NUP155: variants seen among roughly 807,000 people sequenced by gnomAD.
NUP155 encodes nucleoporin 155, also known as nuclear pore complex protein Nup155.
A neutral mutation model predicts 180.4 loss-of-function variants in NUP155; 71 were observed. That is an observed-to-expected ratio of 0.39 (90% CI 0.33 to 0.48). The LOEUF (loss-of-function observed/expected upper bound fraction) is 0.48. Among genes scored for constraint, NUP155 ranks in the 20% least tolerant of loss-of-function variants. The pLI is 0.91. For missense variants in NUP155, 1,553 were observed against 1,648.9 expected, an observed-to-expected ratio of 0.94 and a Z score of 1.01; for synonymous variants, 582 against 559.5, an observed-to-expected ratio of 1.04 and a Z score of -0.57.
rs963649233 is a variant in NUP155, at chr5:37,359,948, T to C, written c.393-1797A>G. On this transcript the variant is annotated intron_variant, in intron 3 of 34. Coordinates refer to ENST00000231498, the MANE Select transcript of NUP155 (RefSeq NM_153485.3). ...GCCTGGCCAACACAATGATACCTGT[T>C]TCTACTAAAAATAGAAAAAATTAGC... Among the ~76,000 whole-genome samples the C allele has an allele frequency of 2.6e-5, 4 of 152,052 alleles. No homozygotes were observed. The South Asian group carries it at 6.2e-4, about 24-fold the overall frequency.
intron 12 of NUP155, among the ~76,000 whole-genome samples, chr5:37,336,330 A>AC (rs953602818): frequency 6.6e-6 from 1 of 152,044 alleles, no homozygotes; most frequent in African/African-American, 2.4e-5. Context: ...AAAATTTAAA[A>AC]ATCGGCTGTA....
rs368991435 is a variant in NUP155 at position 37,341,179 on chromosome 5, G to T, written c.1157C>A (p.Thr386Lys). The change falls in exon 11 of 35, where the codon ACG (threonine) becomes AAG (lysine). Residue 386 changes from threonine to lysine, a missense_variant. Coordinates refer to ENST00000231498, the MANE Select transcript of NUP155 (RefSeq NM_153485.3). ...RQPLARPNTLTLVHVRLPPGF... is the reference protein window; with the variant it reads ...RQPLARPNTLKLVHVRLPPGF... Reference sequence around the variant, plus strand: ...AGGAGGTAAGCGGACATGAACCAGCGTCAGTGTATTAGGCCGTGCTAATGG... The same window carrying T: ...AGGAGGTAAGCGGACATGAACCAGCTTCAGTGTATTAGGCCGTGCTAATGG... The T allele has an allele frequency of 6.2e-7, 1 of 1,613,756 alleles. No individual in the cohort carries two copies. The highest frequency in any genetic ancestry group is 8.5e-7 in the Non-Finnish European group (1 of 1,179,740).
At chr5:37,350,908 A>C (rs1746415231) in intron 6 of NUP155, among the ~76,000 whole-genome samples, 1 of 151,772 alleles carries the variant, frequency 6.6e-6, no homozygotes, top group African/African-American at 2.4e-5. Context: ...TTGTATTTGT[A>C]TATGTGTATA....
intron 3 of NUP155, 79 bp from the exon 4 acceptor site, chr5:37,358,230 G>T: frequency 2.0e-6 from 2 of 1,022,446 alleles, no homozygotes. Flanking sequence ...TTTAATCCCA[G>T]TACTTTGGGA....
intron 18 of NUP155, among the ~76,000 whole-genome samples, chr5:37,326,240 A>G (rs150726004): frequency 6.0e-4 from 92 of 152,310 alleles, no homozygotes; most frequent in African/African-American, 2.1e-3. Flanking sequence ...GGGGCTCTGT[A>G]CTGTTTCATA....
Position 37,364,007 on chromosome 5 carries a change from C to T in NUP155, c.296-23G>A, listed in dbSNP as rs200539629. 6 of 1,519,514 alleles carry T rather than the reference C, an allele frequency of 3.9e-6. No individual in the cohort carries two copies. In the African/African-American group the frequency reaches 6.9e-5, roughly 17 times the overall value. The allele number at this position is 1,519,514 out of a possible 1,614,324, so 94.1% of individuals were successfully genotyped here. On this transcript the variant is annotated intron_variant, in intron 2 of 34. Coordinates refer to ENST00000231498, the MANE Select transcript of NUP155 (RefSeq NM_153485.3). ...TATCTGAGGTAGTGTGGATGTAAGG[C>T]AGACAGAGGTGAATCTTATTCTTCT...
intron 9 of NUP155, among the ~76,000 whole-genome samples, chr5:37,348,112 C>A (rs1746220264): frequency 2.0e-5 from 3 of 152,048 alleles, no homozygotes; most frequent in Admixed American, 1.3e-4. Context: ...CCCGCCTGGG[C>A]AACAAGAGCG....
At chr5:37,295,864 C>T (rs1191334199) in intron 32 of NUP155, among the ~76,000 whole-genome samples, 11 of 149,984 alleles carry the variant, frequency 7.3e-5, no homozygotes, top group Admixed American at 3.3e-4. Flanking sequence ...CCACCCCGTC[C>T]GGGAGGGAGG....
Position 37,371,079 on chromosome 5 carries a change from C to T in NUP155, c.-102G>A. On this transcript the variant is annotated 5_prime_UTR_variant, in exon 1 of 35. Coordinates refer to ENST00000231498, the MANE Select transcript of NUP155 (RefSeq NM_153485.3). The stretch of plus-strand genomic sequence containing the variant: ...TTAGATCCGCCGCCTAGGGCGCGCG[C>T]GCCAAACGAGCGCCTTGGCGCCTCG... 7.8e-7 allele frequency: 1 copy of T among 1,286,828 alleles called. No homozygotes were observed. The highest frequency in any genetic ancestry group is 1.1e-6 in the Non-Finnish European group (1 of 915,350). 79.7% of individuals were successfully genotyped at this position (1,286,828 alleles called of 1,614,324 possible).
chr5:37,302,433 G>C lies in NUP155; in HGVS notation c.3447+346C>G, dbSNP rs1367292184. 2.6e-5 allele frequency among the ~76,000 whole-genome samples: 4 copies of C among 152,018 alleles called. No homozygotes were observed. The East Asian group carries it at 7.7e-4, about 29-fold the overall frequency. ...TTTTTTTAAGTAGAGACAAGGTTTC[G>C]CCATATTGGCCAGGCTGGTCTCGAA... is the stretch of plus-strand genomic sequence containing the variant. On this transcript the variant is annotated intron_variant, in intron 29 of 34. Coordinates refer to ENST00000231498, the MANE Select transcript of NUP155 (RefSeq NM_153485.3).
chr5:37,316,533 C>T (rs917085487), intron 21 of NUP155, among the ~76,000 whole-genome samples: 2 of 152,094 alleles, frequency 1.3e-5, no homozygotes, highest in African/African-American at 4.8e-5. Context: ...GGCACAAATT[C>T]GGCTCACTGC....
intron 2 of NUP155, 51 bp downstream of exon 2, chr5:37,364,196 G>C: frequency 2.1e-6 from 3 of 1,412,672 alleles, no homozygotes; most frequent in Non-Finnish European, 3.0e-6. Flanking sequence ...TTATAAGAAT[G>C]AAAAATACCA....
At chr5:37,351,131 C>T in intron 6 of NUP155, 59 bp downstream of exon 6, 2 of 1,304,274 alleles carry the variant, frequency 1.5e-6, no homozygotes. Flanking sequence ...AAAATAAAGG[C>T]TTATCTTTCC....
At position 37,310,619 on chromosome 5, in the gene NUP155, C is replaced by G; in HGVS notation, c.2561G>C (p.Gly854Ala). 6.2e-7 allele frequency: 1 copy of G among 1,613,536 alleles called. No individual in the cohort carries two copies. The highest frequency in any genetic ancestry group is 1.1e-5 in the South Asian group (1 of 91,050). ...GATATCCTGTAAATGTAAACTAATG[C>G]CATCAACAGCGGCATTATCTCTGAT... The part of the protein sequence containing the change: ...CYIRDNAAVD[G>A]ISLHLQDICP... Residue 854 changes from glycine to alanine, a missense_variant, in exon 23 of 35, where the codon GGC becomes GCC. Coordinates refer to ENST00000231498, the MANE Select transcript of NUP155 (RefSeq NM_153485.3).
chr5:37,309,128 C>G lies in NUP155; in HGVS notation c.2767+1G>C. The stretch of plus-strand genomic sequence containing the variant: ...GATACAAGAAACATTTTATTTCTCA[C>G]CTTGTCTATACTGAGCACAAACATT... On this transcript the variant is annotated splice_donor_variant, in intron 24 of 34. Transcript: ENST00000231498. LOFTEE classifies it high-confidence loss of function. 6.2e-7 allele frequency: 1 copy of G among 1,612,958 alleles called. No homozygotes were observed. The highest frequency in any genetic ancestry group is 8.5e-7 in the Non-Finnish European group (1 of 1,179,648).
At chr5:37,364,215 A>G (rs1396197795) in intron 2 of NUP155, 32 bp downstream of exon 2, 2 of 1,544,514 alleles carry the variant, frequency 1.3e-6, no homozygotes, top group East Asian at 2.3e-5. Flanking sequence ...CAATTTTAAC[A>G]TTTTTAAAAT....
chr5:37,298,223 G>A (rs1364562272), intron 32 of NUP155, among the ~76,000 whole-genome samples: 1 of 146,126 alleles, frequency 6.8e-6, no homozygotes. Flanking sequence ...GGGCGACAGA[G>A]AAAGCCTCTG....
In NUP155 at chr5:37,302,972, C is replaced by A. The variant is rs75204736; in HGVS notation, c.3318-64G>T. 4 of 1,519,336 alleles carry A rather than the reference C, an allele frequency of 2.6e-6. No homozygotes were observed. In the African/African-American group the frequency reaches 5.5e-5, roughly 21 times the overall value. 94.1% of individuals were successfully genotyped at this position (1,519,336 alleles called of 1,614,324 possible). A position where few individuals can be genotyped will look rare whatever the true frequency, so the allele number is the denominator to read the frequency against. On this transcript the variant is annotated intron_variant, in intron 28 of 34. Coordinates refer to ENST00000231498, the MANE Select transcript of NUP155 (RefSeq NM_153485.3). ...TTAAGGATTGATGATACAAATACGT[C>A]AATTAGTATGTACTGTTTCATACCA...
chr5:37,344,239 T>A (rs1745928772), intron 9 of NUP155, among the ~76,000 whole-genome samples: 2 of 149,778 alleles, frequency 1.3e-5, no homozygotes, highest in South Asian at 4.2e-4. Flanking sequence ...GCTACTTGGG[T>A]GGCTGAGGCA....
Sources: allele counts gnomAD v4.1 joint callset (sites outside exome capture counted in the v4.1 genomes callset), GRCh38; gene constraint gnomAD v4.1.1; transcripts MANE v1.5; gene names NCBI Gene and HGNC (gene_info 2026-07-23, HGNC 2026-07-21).